The following NAALADL2 variants were observed in gnomAD, a reference collection of about 807,000 sequenced individuals.
NAALADL2 encodes inactive N-acetylated-alpha-linked acidic dipeptidase-like protein 2.
In NAALADL2, 76 loss-of-function variants were observed where a neutral mutation model predicts 87.2. That is an observed-to-expected ratio of 0.87 (90% confidence interval 0.72 to 1.05). The LOEUF is 1.05. Ranked by LOEUF, NAALADL2 falls within the 50% of genes least tolerant of loss-of-function variation. NAALADL2 has a pLI of 0.00. For missense variants in NAALADL2, 1,089 were observed against 945.8 expected, an observed-to-expected ratio of 1.15 and a Z score of -1.99; for synonymous variants, 354 against 331.0, an observed-to-expected ratio of 1.07 and a Z score of -0.75.
At chr3:175,303,517 C>T (rs1354032321) in intron 4 of NAALADL2, among the ~76,000 whole-genome samples, 1 of 152,078 alleles carries the variant, frequency 6.6e-6, no homozygotes, top group African/African-American at 2.4e-5. Context: ...TTTCTTACTC[C>T]TAAAATGTAT....
chr3:175,181,718 T>TGTGTATATGC (rs1553802465), intron 2 of NAALADL2, among the ~76,000 whole-genome samples: 1,543 of 72,358 alleles, frequency 0.021, 52 homozygotes, highest in African/African-American at 0.06. Context: ...TGTGTGTGTG[T>TGTGTATATGC]ATATATATGT....
intron 1 of NAALADL2, among the ~76,000 whole-genome samples, chr3:174,975,718 C>T (rs1029838419): frequency 2.6e-5 from 4 of 152,034 alleles, no homozygotes; most frequent in African/African-American, 9.7e-5. Flanking sequence ...CACGTTCAAC[C>T]ATGTTATGAG....
chr3:174,999,527 T>C (rs542557925), intron 1 of NAALADL2, among the ~76,000 whole-genome samples: 2 of 152,310 alleles, frequency 1.3e-5, no homozygotes, highest in Admixed American at 1.3e-4. Context: ...CAGTTATTCA[T>C]AGGCTAACCC....
At chr3:174,722,836 AC>A (rs1731830902) in intron 2 of NAALADL2, among the ~76,000 whole-genome samples, 1 of 152,226 alleles carries the variant, frequency 6.6e-6, no homozygotes, top group Admixed American at 6.5e-5. Context: ...CAACATAATT[AC>A]CTTGTTTTTA....
chr3:175,495,579 T>C (rs866058567), intron 9 of NAALADL2, among the ~76,000 whole-genome samples: 2 of 152,230 alleles, frequency 1.3e-5, no homozygotes, highest in Middle Eastern at 3.4e-3. Flanking sequence ...TCAGGGGGCC[T>C]TCAAGTTCTG....
chr3:175,758,737 AAAAT>A (rs1368915332), intron 13 of NAALADL2, among the ~76,000 whole-genome samples: 2 of 152,144 alleles, frequency 1.3e-5, no homozygotes, highest in South Asian at 2.1e-4. Flanking sequence ...TATATAGAGA[AAAAT>A]AAAATTGTTA....
At chr3:174,973,554 T>C (rs939774752) in intron 1 of NAALADL2, among the ~76,000 whole-genome samples, 5 of 152,232 alleles carry the variant, frequency 3.3e-5, no homozygotes, top group Admixed American at 6.5e-5. Flanking sequence ...ACAAATGTTA[T>C]TAAGTTAACA....
intron 5 of NAALADL2, among the ~76,000 whole-genome samples, chr3:175,441,133 C>T (rs1719665827): frequency 6.6e-6 from 1 of 151,716 alleles, no homozygotes. Context: ...ATTGGCTCTC[C>T]ATATCCAGGT....
At chr3:175,078,810 A>G (rs956496602) in intron 1 of NAALADL2, among the ~76,000 whole-genome samples, 3 of 152,182 alleles carry the variant, frequency 2.0e-5, no homozygotes, top group African/African-American at 7.2e-5. Flanking sequence ...GTATGGATGT[A>G]TCACATTTTA....
chr3:175,062,373 T>C (rs1281532318), intron 1 of NAALADL2, among the ~76,000 whole-genome samples: 3 of 152,134 alleles, frequency 2.0e-5, no homozygotes, highest in East Asian at 3.9e-4. Context: ...CTTTGCTAGA[T>C]GCTGGGAAGA....
chr3:175,141,675 T>C (rs755518788), intron 2 of NAALADL2, among the ~76,000 whole-genome samples: 1 of 152,110 alleles, frequency 6.6e-6, no homozygotes, highest in African/African-American at 2.4e-5. Context: ...AAGGCATACT[T>C]ATACAGATTG....
intron 2 of NAALADL2, among the ~76,000 whole-genome samples, chr3:175,211,911 C>T (rs971569399): frequency 4.6e-5 from 7 of 152,094 alleles, no homozygotes; most frequent in African/African-American, 1.7e-4. Context: ...AGCAGACATA[C>T]TGATGCTAAG....
intron 1 of NAALADL2, among the ~76,000 whole-genome samples, chr3:174,467,101 T>A (rs1053901833): frequency 6.6e-6 from 1 of 152,126 alleles, no homozygotes; most frequent in African/African-American, 2.4e-5. Context: ...TTCCAAACAC[T>A]GAGAAACTTC....
Position 175,737,353 on chromosome 3 carries a change from C to CTTTA in NAALADL2, c.1945_1948dup (p.Asn650IlefsTer2). ...AAATTGCCAACGAACCTGTTCTGCC[C>CTTTA]TTTAATGCACTTGATATAGCTTTAG... On this transcript the variant is annotated frameshift_variant, in exon 12 of 14. Transcript: ENST00000454872. LOFTEE classifies it high-confidence loss of function. 6.2e-7 allele frequency: 1 copy of CTTTA among 1,611,600 alleles called. No individual in the cohort carries two copies. Among genetic ancestry groups the CTTTA allele is most frequent in the African/African-American group, 1.3e-5 (1 of 74,952 alleles).
intron 3 of NAALADL2, among the ~76,000 whole-genome samples, chr3:174,781,853 C>T (rs1716027703): frequency 6.6e-6 from 1 of 152,014 alleles, no homozygotes; most frequent in Non-Finnish European, 1.5e-5. Flanking sequence ...TTGTGCCAGG[C>T]TGTAGCAGAC....
chr3:175,033,328 T>C (rs1753005551), intron 1 of NAALADL2, among the ~76,000 whole-genome samples: 1 of 152,104 alleles, frequency 6.6e-6, no homozygotes, highest in Admixed American at 6.6e-5. Flanking sequence ...TATCTCCTGT[T>C]AATCTGCTGA....
chr3:174,804,818 A>T (rs561460347), intron 3 of NAALADL2, among the ~76,000 whole-genome samples: 2 of 152,254 alleles, frequency 1.3e-5, no homozygotes, highest in East Asian at 3.9e-4. Flanking sequence ...TACGTTTTGA[A>T]AATTTAATAC....
intron 1 of NAALADL2, among the ~76,000 whole-genome samples, chr3:174,997,645 G>C (rs1747688287): frequency 6.6e-6 from 1 of 151,952 alleles, no homozygotes; most frequent in Non-Finnish European, 1.5e-5. Flanking sequence ...GTGAAACATT[G>C]TTTCTACTAA....
At chr3:174,955,265 T>C (rs1489467709) in intron 1 of NAALADL2, among the ~76,000 whole-genome samples, 1 of 152,120 alleles carries the variant, frequency 6.6e-6, no homozygotes, top group African/African-American at 2.4e-5. Context: ...ATCAGGAGAT[T>C]CTACCAATTT....
Sources: gnomAD v4.1 joint callset for allele counts (sites outside exome capture counted in the v4.1 genomes callset) on GRCh38, gnomAD v4.1.1 for gene constraint, MANE v1.5 for transcripts, NCBI Gene and HGNC (gene_info 2026-07-23, HGNC 2026-07-21) for gene names.